BMPR2: variants seen among roughly 807,000 people sequenced by gnomAD.
BMPR2 encodes the protein bone morphogenetic protein receptor type-2.
Under a neutral mutation model 100.8 loss-of-function variants are expected in BMPR2, and 29 were observed. That is an observed-to-expected ratio of 0.29 (90% CI 0.21 to 0.39). The LOEUF (loss-of-function observed/expected upper bound fraction) is 0.39. Among genes scored for constraint, BMPR2 ranks in the 10% least tolerant of loss-of-function variants. The pLI is 1.00. For synonymous variants in BMPR2, 382 were observed against 442.3 expected (o/e 0.86, Z 1.71); for missense variants, 1,011 against 1,274.5 (o/e 0.79, Z 3.15).
At chr2:202,550,530 T>A (rs1036092490) in intron 10 of BMPR2, among the ~76,000 whole-genome samples, 7 of 151,978 alleles carry the variant, frequency 4.6e-5, no homozygotes, top group African/African-American at 1.7e-4. Flanking sequence ...GATTTATAAT[T>A]ATCATTTTAT....
At chr2:202,457,721 G>C (rs1159280896) in intron 1 of BMPR2, among the ~76,000 whole-genome samples, 1 of 151,842 alleles carries the variant, frequency 6.6e-6, no homozygotes, top group African/African-American at 2.4e-5. Flanking sequence ...GACATAGATT[G>C]CAAGTTTGAC....
intron 5 of BMPR2, among the ~76,000 whole-genome samples, chr2:202,515,512 G>A (rs960645547): frequency 4.0e-5 from 6 of 151,002 alleles, no homozygotes; most frequent in Admixed American, 2.6e-4. Flanking sequence ...CAGAGGTTGC[G>A]GTGAGCCGAG....
At position 202,551,722 on chromosome 2, in the gene BMPR2, C is replaced by T. The variant is rs186760213; in HGVS notation, c.1414-994C>T. The stretch of plus-strand genomic sequence containing the variant: ...CACTCTTTTTTTTATTCTTTTGAGG[C>T]GGAGTCTCACTCTGTCACCCGGGGA... On this transcript the variant is annotated intron_variant, in intron 10 of 12. Coordinates refer to ENST00000374580, the MANE Select transcript of BMPR2 (RefSeq NM_001204.7). 3.1e-4 allele frequency among the ~76,000 whole-genome samples: 47 copies of T among 152,118 alleles called. 1 individual carries two copies. Among genetic ancestry groups the T allele is most frequent in the Admixed American group, 2.4e-3 (37 of 15,276 alleles).
rs1018414954 is a variant in BMPR2, at chr2:202,567,030, CATTT to C, written c.*7094_*7097del. The C allele has an allele frequency of 3.3e-5, 5 of 152,134 alleles. No homozygotes were observed. Among genetic ancestry groups the C allele is most frequent in the East Asian group, 1.9e-4 (1 of 5,202 alleles). The allele number at this position is 152,134 out of a possible 1,614,324, so 9.4% of individuals were successfully genotyped here. A position where few individuals can be genotyped will look rare whatever the true frequency, so the allele number is the denominator to read the frequency against. On this transcript the variant is annotated 3_prime_UTR_variant, in exon 13 of 13. Transcript: ENST00000374580. ...TCTGTGGCTTTTCTTTTTCTGGCCA[CATTT>C]ATTTATTTAAGCAATTTTTGTATGC... is the stretch of plus-strand genomic sequence containing the variant.
intron 3 of BMPR2, among the ~76,000 whole-genome samples, chr2:202,496,574 A>C (rs990374150): frequency 6.6e-6 from 1 of 152,248 alleles, no homozygotes; most frequent in Non-Finnish European, 1.5e-5. Context: ...GACCCGCATT[A>C]ATGCTTTATG....
chr2:202,378,673 A>G (rs182959938), intron 1 of BMPR2, among the ~76,000 whole-genome samples: 7 of 152,322 alleles, frequency 4.6e-5, no homozygotes, highest in African/African-American at 1.7e-4. Context: ...TAAATTGATG[A>G]TAAATCTATA....
chr2:202,396,516 TC>T (rs1428795237), intron 1 of BMPR2, among the ~76,000 whole-genome samples: 2 of 152,224 alleles, frequency 1.3e-5, no homozygotes, highest in Non-Finnish European at 2.9e-5. Context: ...CTATTTTTAT[TC>T]TTGATAGCTG....
At chr2:202,508,107 TA>T (rs1440268210) in intron 3 of BMPR2, among the ~76,000 whole-genome samples, 3 of 149,202 alleles carry the variant, frequency 2.0e-5, no homozygotes, top group East Asian at 2.0e-4. Flanking sequence ...TTATTATTAT[TA>T]TTATTTTTGA....
chr2:202,483,609 G>C (rs1387164222), intron 3 of BMPR2, among the ~76,000 whole-genome samples: 2 of 152,062 alleles, frequency 1.3e-5, no homozygotes, highest in Non-Finnish European at 2.9e-5. Context: ...ATGTTGGCTA[G>C]GCTGGTATGG....
chr2:202,474,418 G>A (rs1436596049), intron 3 of BMPR2, among the ~76,000 whole-genome samples: 2 of 152,026 alleles, frequency 1.3e-5, no homozygotes, highest in African/African-American at 2.4e-5. Context: ...CTGAGATCGT[G>A]CCACTGCACT....
intron 3 of BMPR2, among the ~76,000 whole-genome samples, chr2:202,488,741 T>G (rs1261718445): frequency 1.3e-5 from 2 of 152,118 alleles, no homozygotes; most frequent in Non-Finnish European, 2.9e-5. Flanking sequence ...AGTTTAACCA[T>G]TTTTAAAAAT....
chr2:202,558,988 G>T (rs148706740), intron 12 of BMPR2, among the ~76,000 whole-genome samples: 2 of 149,904 alleles, frequency 1.3e-5, no homozygotes, highest in Admixed American at 1.3e-4. Context: ...GAAAAATATT[G>T]TATGCCAGGT....
rs184310813 is a variant in BMPR2 at position 202,527,361 on chromosome 2, G to A, written c.968-3433G>A. 3.9e-5 allele frequency among the ~76,000 whole-genome samples: 6 copies of A among 151,986 alleles called. No individual in the cohort carries two copies. In the East Asian group the frequency reaches 5.8e-4, roughly 15 times the overall value. ...AAATTAGCTGGGCGTGGTGGCGTGC[G>A]CCTGTAGTCCCAGCTACTCGGTAGG... On this transcript the variant is annotated intron_variant, in intron 7 of 12. Coordinates refer to ENST00000374580, the MANE Select transcript of BMPR2 (RefSeq NM_001204.7).
intron 1 of BMPR2, among the ~76,000 whole-genome samples, chr2:202,437,322 C>T (rs1359822339): frequency 6.6e-6 from 1 of 150,664 alleles, no homozygotes; most frequent in Non-Finnish European, 1.5e-5. Context: ...CTAAATTTAC[C>T]TCTTTAGGAA....
At chr2:202,451,219 C>T (rs1299567175) in intron 1 of BMPR2, among the ~76,000 whole-genome samples, 1 of 152,278 alleles carries the variant, frequency 6.6e-6, no homozygotes, top group East Asian at 1.9e-4. Context: ...TTTATATTCA[C>T]TTATAGATCC....
chr2:202,484,403 G>A (rs1487768321), intron 3 of BMPR2, among the ~76,000 whole-genome samples: 2 of 151,262 alleles, frequency 1.3e-5, no homozygotes, highest in Non-Finnish European at 2.9e-5. Flanking sequence ...GGCCGGGCGC[G>A]GTGGCTTACG....
chr2:202,484,478 TC>T (rs1032856921), intron 3 of BMPR2, among the ~76,000 whole-genome samples: 66 of 150,362 alleles, frequency 4.4e-4, no homozygotes, highest in African/African-American at 1.5e-3. Context: ...ATCGAGACCA[TC>T]CTGGCTAACA....
chr2:202,391,628 C>A (rs547464685), intron 1 of BMPR2, among the ~76,000 whole-genome samples: 1 of 151,828 alleles, frequency 6.6e-6, no homozygotes, highest in African/African-American at 2.4e-5. Context: ...AGGCTGTCAC[C>A]CAGGCTGGAG....
At position 202,532,526 on chromosome 2, in the gene BMPR2, GTC is replaced by G; in HGVS notation, c.1129-57_1129-56del. 6.3e-7 allele frequency: 1 copy of G among 1,575,854 alleles called. No individual in the cohort carries two copies. Among genetic ancestry groups the G allele is most frequent in the Non-Finnish European group, 8.7e-7 (1 of 1,146,792 alleles). On this transcript the variant is annotated intron_variant, in intron 8 of 12. Coordinates refer to ENST00000374580, the MANE Select transcript of BMPR2 (RefSeq NM_001204.7). The surrounding 1 kb of genome is among the most constrained non-coding windows in gnomAD (Gnocchi z 4.1). The stretch of plus-strand genomic sequence containing the variant: ...ATTTATATATAACTTCTGGTCTAAT[GTC>G]TGTTCTTCAGAATATGCTACGTTCT...
Sources: gnomAD v4.1 joint callset for allele counts (sites outside exome capture counted in the v4.1 genomes callset) on GRCh38, gnomAD v4.1.1 for gene constraint, Gnocchi (gnomAD v3.1) non-coding constraint, MANE v1.5 for transcripts, NCBI Gene and HGNC (gene_info 2026-07-23, HGNC 2026-07-21) for gene names.